The following WLS variants were observed in gnomAD, a reference collection of about 807,000 sequenced individuals.
WLS encodes the protein Wnt ligand secretion mediator.
WLS carries 23 observed loss-of-function variants against 62.8 expected under a neutral mutation model. The ratio of observed to expected loss-of-function variants is 0.37; its 90% confidence interval spans 0.26 to 0.52. WLS has a LOEUF of 0.52. Ranked by LOEUF, WLS falls within the 20% of genes least tolerant of loss-of-function variation. The pLI, the probability that WLS is intolerant of heterozygous loss-of-function variation, is 0.92. For synonymous variants in WLS, 246 were observed against 244.1 expected (o/e 1.01, Z -0.07); for missense variants, 615 against 697.3 (o/e 0.88, Z 1.33).
chr1:68,210,828 C>T (rs1649485201), intron 1 of WLS, among the ~76,000 whole-genome samples: 1 of 152,098 alleles, frequency 6.6e-6, no homozygotes, highest in African/African-American at 2.4e-5. Context: ...GGAGGAGAAA[C>T]CTTGTGGAGG....
Position 68,159,155 on chromosome 1 carries a change from G to A in WLS, c.472C>T (p.Arg158Trp), listed in dbSNP as rs373149051. The A allele has an allele frequency of 1.2e-4, 200 of 1,613,978 alleles. No homozygotes were observed. The highest frequency in any genetic ancestry group is 1.6e-4 in the Non-Finnish European group (191 of 1,180,026). Residue 158 changes from arginine to tryptophan, a missense_variant, in exon 3 of 12, where the codon CGG becomes TGG. Transcript: ENST00000262348. Reference protein sequence around the residue: ...WTEMAHERVPRKLKCTFTSPK... With the variant: ...WTEMAHERVPWKLKCTFTSPK... ...GATGTGAAGGTGCATTTGAGTTTCC[G>A]TGGTACTCTTTCATGGGCCATTTCA...
At chr1:68,170,414 C>T (rs866122657) in intron 2 of WLS, among the ~76,000 whole-genome samples, 3 of 151,858 alleles carry the variant, frequency 2.0e-5, no homozygotes, top group African/African-American at 4.8e-5. Flanking sequence ...GTGATCCACC[C>T]GCCTCGGACT....
chr1:68,220,094 A>T (rs1649882905), intron 1 of WLS, among the ~76,000 whole-genome samples: 1 of 152,228 alleles, frequency 6.6e-6, no homozygotes, highest in East Asian at 1.9e-4. Flanking sequence ...TTTAGATTCA[A>T]ATTAAATGTT....
At position 68,137,648 on chromosome 1, in the gene WLS, G is replaced by A. The variant is rs148438491; in HGVS notation, c.1516+132C>T. On this transcript the variant is annotated intron_variant, in intron 11 of 11. Coordinates refer to ENST00000262348, the MANE Select transcript of WLS (RefSeq NM_024911.7). ...TGAGTCCCCTGGGTGCTCATTCACC[G>A]TCTCCCAGTGTGAGGAGTATACTTG... 9.6e-5 allele frequency: 98 copies of A among 1,016,904 alleles called. No homozygotes were observed. In the Middle Eastern group the frequency reaches 1.7e-3, roughly 17 times the overall value. The allele number at this position is 1,016,904 out of a possible 1,614,324, so 63.0% of individuals were successfully genotyped here.
intron 2 of WLS, chr1:68,186,559 C>T (rs1339361921): frequency 2.2e-6 from 1 of 454,166 alleles, no homozygotes; most frequent in African/African-American, 2.0e-5. Context: ...AATATTGTTA[C>T]AGGTGAATCT....
intron 3 of WLS, among the ~76,000 whole-genome samples, chr1:68,158,317 C>T (rs976661749): frequency 2.0e-5 from 3 of 152,102 alleles, no homozygotes; most frequent in Non-Finnish European, 4.4e-5. Context: ...AGGGAGACTC[C>T]CCTAGTGTTT....
intron 8 of WLS, 100 bp from the exon 9 acceptor site, chr1:68,146,112 T>A: frequency 7.3e-7 from 1 of 1,363,438 alleles, no homozygotes; most frequent in Non-Finnish European, 1.0e-6. Context: ...TTGTTTTGTC[T>A]CCAAATATGT....
At chr1:68,228,186 A>G (rs1272872785) in intron 1 of WLS, 3 of 414,356 alleles carry the variant, frequency 7.2e-6, no homozygotes, top group Non-Finnish European at 1.4e-5. Flanking sequence ...GATCTTTTCT[A>G]AAGAAATAAT....
chr1:68,156,441 C>T (rs1646900715), intron 3 of WLS, among the ~76,000 whole-genome samples: 1 of 151,810 alleles, frequency 6.6e-6, no homozygotes, highest in Non-Finnish European at 1.5e-5. Flanking sequence ...GGGGCTCTGC[C>T]CCTTCTGAGA....
At chr1:68,143,921 G>C (rs535328882) in intron 10 of WLS, among the ~76,000 whole-genome samples, 56 of 152,246 alleles carry the variant, frequency 3.7e-4, no homozygotes, top group Non-Finnish European at 7.4e-4. Context: ...TTTCTCCAAA[G>C]CTATTAGATA....
chr1:68,155,106 C>T lies in WLS; in HGVS notation c.659G>A (p.Arg220Gln), dbSNP rs553213704. 56 of 1,613,342 alleles carry T rather than the reference C, an allele frequency of 3.5e-5. No individual in the cohort carries two copies. The highest frequency in any genetic ancestry group is 4.5e-5 in the East Asian group (2 of 44,838). Residue 220 changes from arginine (R) to glutamine (Q), a missense_variant, in exon 4 of 12, where the codon CGG becomes CAG. Physicochemically the swap from Arg to Gln is conservative, Grantham distance 43 (BLOSUM62 1). Coordinates refer to ENST00000262348, the MANE Select transcript of WLS (RefSeq NM_024911.7). Reference protein sequence around the residue: ...NVGIGEIKDIRLVGIHQNGGF... With the variant: ...NVGIGEIKDIQLVGIHQNGGF... ...TCAATTACATTCACTTACCACCAAC[C>T]GGATATCCTTTATCTCCCCAATTCC...
chr1:68,128,479 A>AGT (rs1646468214), intron 11 of WLS, among the ~76,000 whole-genome samples: 1 of 152,222 alleles, frequency 6.6e-6, no homozygotes, highest in Non-Finnish European at 1.5e-5. Context: ...TGACCACCCC[A>AGT]GTGGACCCAT....
At chr1:68,221,790 T>G (rs1404341814) in intron 1 of WLS, among the ~76,000 whole-genome samples, 1 of 152,192 alleles carries the variant, frequency 6.6e-6, no homozygotes, top group Non-Finnish European at 1.5e-5. Flanking sequence ...TTCGTGACTC[T>G]GCTCAGTTTC....
chr1:68,150,059 T>TCCCAC, intron 6 of WLS, 129 bp downstream of exon 6: 1 of 948,870 alleles, frequency 1.1e-6, no homozygotes, highest in Non-Finnish European at 1.6e-6. Flanking sequence ...CCTCCAGAGT[T>TCCCAC]CCCACTTGTA....
At chr1:68,130,889 C>CT (rs56038722) in intron 11 of WLS, among the ~76,000 whole-genome samples, 23,366 of 100,688 alleles carry the variant, frequency 0.23, 2,966 homozygotes, top group East Asian at 0.37. Flanking sequence ...GTTTCTTCTT[C>CT]TTTTTTTTTT....
At chr1:68,153,089 G>A (rs1646848827) in intron 5 of WLS, among the ~76,000 whole-genome samples, 1 of 152,048 alleles carries the variant, frequency 6.6e-6, no homozygotes, top group Non-Finnish European at 1.5e-5. Flanking sequence ...GATCAGCCTG[G>A]GCAACATAGG....
intron 1 of WLS, among the ~76,000 whole-genome samples, chr1:68,195,924 C>G (rs1648636613): frequency 6.6e-6 from 1 of 151,912 alleles, no homozygotes; most frequent in African/African-American, 2.4e-5. Flanking sequence ...AACAGACCCT[C>G]CCTTTTGTTG....
At chr1:68,181,502 T>C (rs1647566526) in intron 2 of WLS, among the ~76,000 whole-genome samples, 2 of 152,316 alleles carry the variant, frequency 1.3e-5, no homozygotes, top group Non-Finnish European at 2.9e-5. Flanking sequence ...CTGCACTTCA[T>C]TCCCTGAAAT....
At chr1:68,180,491 G>A (rs1647492799) in intron 2 of WLS, among the ~76,000 whole-genome samples, 1 of 152,048 alleles carries the variant, frequency 6.6e-6, no homozygotes, top group African/African-American at 2.4e-5. Flanking sequence ...AGACTTGCTG[G>A]TTCCTTACTT....
Sources: gnomAD v4.1 joint callset for allele counts (sites outside exome capture counted in the v4.1 genomes callset) on GRCh38, gnomAD v4.1.1 for gene constraint, MANE v1.5 for transcripts, NCBI Gene and HGNC (gene_info 2026-07-23, HGNC 2026-07-21) for gene names.